Variants in BLTP3A observed in about 807,000 individuals in gnomAD.
The protein encoded by BLTP3A is ICBP90 binding protein 1.
the BLTP3A span, among the ~76,000 whole-genome samples, chr6:34,812,959 C>T: frequency 1.3e-5 from 2 of 152,150 alleles, no homozygotes; most frequent in South Asian, 4.1e-4. Flanking sequence ...TGTGGTGTGG[C>T]TTAGTAGTGA....
the BLTP3A span, chr6:34,857,032 T>A: frequency 2.1e-6 from 3 of 1,403,906 alleles, no homozygotes; most frequent in Non-Finnish European, 2.9e-6. Context: ...ACTATTTACC[T>A]CACTTCTGGG....
At chr6:34,827,385 A>G in the BLTP3A span, among the ~76,000 whole-genome samples, 1 of 152,224 alleles carries the variant, frequency 6.6e-6, no homozygotes, top group Non-Finnish European at 1.5e-5. Flanking sequence ...CTCTATTCAA[A>G]TAAAAGAAAA....
At chr6:34,834,042 C>G in the BLTP3A span, among the ~76,000 whole-genome samples, 1 of 151,812 alleles carries the variant, frequency 6.6e-6, no homozygotes, top group Non-Finnish European at 1.5e-5. Flanking sequence ...TTCAAGGCTG[C>G]AGTGAGCTGT....
At chr6:34,874,808 C>G in the BLTP3A span, 1 of 152,182 alleles carries the variant, frequency 6.6e-6, no homozygotes. Flanking sequence ...TATACAAAAC[C>G]ATGGATATGT....
the BLTP3A span, chr6:34,858,394 A>T: frequency 6.2e-7 from 1 of 1,614,046 alleles, no homozygotes; most frequent in Non-Finnish European, 8.5e-7. Flanking sequence ...GCCTCAGCCT[A>T]ATACCCTCCC....
the BLTP3A span, among the ~76,000 whole-genome samples, chr6:34,811,414 G>A: frequency 1.3e-5 from 2 of 152,154 alleles, no homozygotes; most frequent in South Asian, 2.1e-4. Flanking sequence ...GTATATATAG[G>A]TCAGATGAAC....
chr6:34,853,297 CT>C, the BLTP3A span, among the ~76,000 whole-genome samples: 8 of 152,138 alleles, frequency 5.3e-5, no homozygotes, highest in Admixed American at 5.2e-4. Flanking sequence ...CTGCCTCAGC[CT>C]CCTGACTGAG....
the BLTP3A span, among the ~76,000 whole-genome samples, chr6:34,803,395 A>G: frequency 4.6e-5 from 7 of 151,954 alleles, no homozygotes; most frequent in African/African-American, 7.3e-5. Context: ...CTCTCTTCTC[A>G]TGCCCCCAGT....
the BLTP3A span, among the ~76,000 whole-genome samples, chr6:34,828,721 T>G: frequency 4.6e-5 from 7 of 151,986 alleles, no homozygotes; most frequent in Middle Eastern, 0.024. Context: ...ATTCTTTCTT[T>G]TCTTACAAGA....
At chr6:34,792,327 T>C in the BLTP3A span, 1 of 1,533,838 alleles carries the variant, frequency 6.5e-7, no homozygotes, top group Non-Finnish European at 8.8e-7. Flanking sequence ...CCGGCGGTCC[T>C]GGGCCCTTCC....
the BLTP3A span, chr6:34,822,093 G>C: frequency 1.9e-6 from 2 of 1,034,614 alleles, no homozygotes; most frequent in African/African-American, 3.2e-5. Context: ...TTCTCTCTGA[G>C]ACAGTGTGAC....
chr6:34,874,112 A>G, the BLTP3A span: 1 of 152,256 alleles, frequency 6.6e-6, no homozygotes, highest in Non-Finnish European at 1.5e-5. Context: ...GAAGTTACCT[A>G]AGGCTTGATG....
chr6:34,792,376 G>A, the BLTP3A span: 1 of 1,363,166 alleles, frequency 7.3e-7, no homozygotes, highest in Non-Finnish European at 9.8e-7. Context: ...CGCGCTCCGG[G>A]CCCAGTCTGC....
the BLTP3A span, among the ~76,000 whole-genome samples, chr6:34,865,463 T>G: frequency 6.6e-6 from 1 of 152,238 alleles, no homozygotes; most frequent in Non-Finnish European, 1.5e-5. Flanking sequence ...CATAAGTTGA[T>G]CCCATAACTT....
the BLTP3A span, among the ~76,000 whole-genome samples, chr6:34,824,638 A>AAT: frequency 2.7e-5 from 4 of 150,898 alleles, no homozygotes; most frequent in African/African-American, 4.8e-5. Context: ...TTATCTCTAA[A>AAT]ATATATATAT....
At chr6:34,846,114 C>G in the BLTP3A span, among the ~76,000 whole-genome samples, 5 of 124,852 alleles carry the variant, frequency 4.0e-5, no homozygotes, top group African/African-American at 1.6e-4. Flanking sequence ...CCTCCCCTCC[C>G]TTTCCCTTCC....
At chr6:34,876,273 C>T in the BLTP3A span, 1 of 152,378 alleles carries the variant, frequency 6.6e-6, no homozygotes, top group South Asian at 2.1e-4. Flanking sequence ...CCATGGGCCT[C>T]AACCTTTATG....
the BLTP3A span, among the ~76,000 whole-genome samples, chr6:34,854,617 A>G: frequency 1.3e-5 from 2 of 152,208 alleles, no homozygotes; most frequent in Non-Finnish European, 2.9e-5. Context: ...GTATCTTAAA[A>G]GCCTACTTGG....
chr6:34,849,991 A>G, the BLTP3A span, among the ~76,000 whole-genome samples: 1 of 152,052 alleles, frequency 6.6e-6, no homozygotes, highest in East Asian at 1.9e-4. Flanking sequence ...AAGAAATACA[A>G]AATTAGCCGG....
Sources: allele counts gnomAD v4.1 joint callset (sites outside exome capture counted in the v4.1 genomes callset), GRCh38; gene constraint gnomAD v4.1.1; transcripts MANE v1.5; gene names NCBI Gene and HGNC (gene_info 2026-07-23, HGNC 2026-07-21).